CATSPERD: variants seen among roughly 807,000 people sequenced by gnomAD.
CATSPERD encodes cation channel sperm-associated auxiliary subunit delta.
CATSPERD carries 86 observed loss-of-function variants against 98.1 expected under a neutral mutation model. The ratio of observed to expected loss-of-function variants is 0.88; its 90% confidence interval spans 0.74 to 1.05. CATSPERD has a LOEUF of 1.05. CATSPERD is among the 50% of genes least tolerant of loss of function. CATSPERD has a pLI of 0.00. For missense variants in CATSPERD, 995 were observed against 1,005.7 expected (o/e 0.99, Z 0.14); for synonymous variants, 394 against 390.2 (o/e 1.01, Z -0.12).
intron 9 of CATSPERD, among the ~76,000 whole-genome samples, chr19:5,747,064 C>T (rs2056108337): frequency 6.6e-6 from 1 of 151,750 alleles, no homozygotes; most frequent in African/African-American, 2.4e-5. Flanking sequence ...AGGCTGGTCT[C>T]AAACTCCTGG....
rs749272464 is a variant in CATSPERD at position 5,739,339 on chromosome 19, T to C, written c.473T>C (p.Leu158Ser). 2 of 1,550,174 alleles carry C rather than the reference T, an allele frequency of 1.3e-6. No individual in the cohort carries two copies. The highest frequency in any genetic ancestry group is 8.8e-7 in the Non-Finnish European group (1 of 1,133,240). ...TTTTTTTTATAGCATGTCAGTAATTTGGTTTTTGCATATTTCCGTGGAGAT... is the reference window on the plus strand; with the variant it reads ...TTTTTTTTATAGCATGTCAGTAATTCGGTTTTTGCATATTTCCGTGGAGAT... ...GSLFCVHVSN[L>S]VFAYFRGDQI... Residue 158 changes from leucine to serine, a missense_variant, in exon 7 of 22, where the codon TTG becomes TCG. Physicochemically the swap from Leu to Ser is moderately radical, Grantham distance 145. Transcript: ENST00000381624.
In CATSPERD at chr19:5,724,835, G is replaced by C; in HGVS notation, c.99G>C (p.Val33=). ...CTCGCACAGTGAGGACAGGAAAAGT[G>C]TTTAATCTGATACAGGACGTTCAAG... The part of the protein sequence containing the change: ...CRSRTVRTGK[V]FNLIQDVQGD... The change falls in exon 2 of 22, where the codon GTG becomes GTC. Residue 33 remains valine (V), a synonymous_variant. Coordinates refer to ENST00000381624, the MANE Select transcript of CATSPERD (RefSeq NM_152784.4). 6.2e-7 allele frequency: 1 copy of C among 1,614,082 alleles called. No homozygotes were observed. The highest frequency in any genetic ancestry group is 1.7e-4 in the Middle Eastern group (1 of 6,060).
chr19:5,733,127 G>A (rs2055761372), intron 4 of CATSPERD, among the ~76,000 whole-genome samples: 2 of 150,892 alleles, frequency 1.3e-5, no homozygotes, highest in African/African-American at 4.9e-5. Flanking sequence ...CCGAGTAGCT[G>A]GGACTATAGG....
In CATSPERD at chr19:5,749,128, G is replaced by T. The variant is rs371150801; in HGVS notation, c.932G>T (p.Arg311Leu). 43 of 1,611,830 alleles carry T rather than the reference G, an allele frequency of 2.7e-5. No homozygotes were observed. The highest frequency in any genetic ancestry group is 3.6e-5 in the Non-Finnish European group (42 of 1,179,242). Residue 311 changes from arginine (R) to leucine (L), a missense_variant, in exon 11 of 22, where the codon CGG becomes CTG. By Grantham distance (102) the Arg-to-Leu change is moderately radical. This residue lies in a region of CATSPERD where 762 missense variants were observed against 773.7 expected (regional missense o/e 0.98). Coordinates refer to ENST00000381624, the MANE Select transcript of CATSPERD (RefSeq NM_152784.4). ...GAAAATGAACTGGCAGTTATAACTC[G>T]GGAGGATAATTTGTATTATGGCAAT... ...VTENELAVIT[R>L]EDNLYYGNLG... is the part of the protein sequence containing the mutation.
intron 21 of CATSPERD, 79 bp downstream of exon 21, chr19:5,776,394 A>G: frequency 6.6e-7 from 1 of 1,526,172 alleles, no homozygotes; most frequent in Non-Finnish European, 8.9e-7. Flanking sequence ...GGGGACATGC[A>G]GGTCCTGGCT....
intron 16 of CATSPERD, among the ~76,000 whole-genome samples, chr19:5,765,216 G>GT (rs1380949543): frequency 1.3e-5 from 2 of 152,152 alleles, no homozygotes; most frequent in African/African-American, 4.8e-5. Flanking sequence ...GCCCATGTTT[G>GT]TCTTAATACA....
chr19:5,778,196 G>A (rs2017303), intron 21 of CATSPERD, among the ~76,000 whole-genome samples, 180 bp from the exon 22 acceptor site: 8,040 of 146,698 alleles, frequency 0.055, 706 homozygotes, highest in African/African-American at 0.18. Flanking sequence ...GACAAGAGAG[G>A]GACTCCGACT....
At chr19:5,768,346 T>TTATC (rs10679277) in intron 18 of CATSPERD, 104 bp downstream of exon 18, 1 of 715,852 alleles carries the variant, frequency 1.4e-6, no homozygotes, top group Admixed American at 4.0e-5. Context: ...ATTTATTTAT[T>TTATC]ATTATTATTG....
At position 5,759,814 on chromosome 19, in the gene CATSPERD, A is replaced by G. The variant is rs553571243; in HGVS notation, c.1427+670A>G. Among the ~76,000 whole-genome samples, 90 of 151,434 alleles carry G rather than the reference A, an allele frequency of 5.9e-4. No homozygotes were observed. The South Asian group carries it at 0.019, about 31-fold the overall frequency. On this transcript the variant is annotated intron_variant, in intron 15 of 21. Transcript: ENST00000381624. The stretch of plus-strand genomic sequence containing the variant: ...TCCCGGGCCGGGCGCGGTGGCTCAC[A>G]CCTGTAATCCCAGCACTCTGGGAGG...
At chr19:5,753,990 C>G (rs540495522) in intron 12 of CATSPERD, 142 bp from the exon 13 acceptor site, 88 of 644,206 alleles carry the variant, frequency 1.4e-4, no homozygotes, top group Admixed American at 4.0e-4. Context: ...TCTGGAAATA[C>G]AGAGTCTAGT....
chr19:5,770,295 TG>T (rs1191294472), intron 18 of CATSPERD, among the ~76,000 whole-genome samples: 1 of 150,716 alleles, frequency 6.6e-6, no homozygotes, highest in African/African-American at 2.4e-5. Flanking sequence ...CCGGGCGTGG[TG>T]GTGGGCACTT....
intron 19 of CATSPERD, 62 bp downstream of exon 19, chr19:5,771,134 C>T: frequency 6.4e-7 from 1 of 1,556,720 alleles, no homozygotes; most frequent in Non-Finnish European, 8.7e-7. Context: ...CTCCCTGGCC[C>T]TGGGGTACCA....
chr19:5,754,017 C>G lies in CATSPERD; in HGVS notation c.1165-115C>G. ...GAGTCTAGTGGGGAAGACAGAGGCA[C>G]AAGTGGAGATTCAGGCTGCAGGACC... is the stretch of plus-strand genomic sequence containing the variant. On this transcript the variant is annotated intron_variant, in intron 12 of 21. Coordinates refer to ENST00000381624, the MANE Select transcript of CATSPERD (RefSeq NM_152784.4). 5 of 719,702 alleles carry G rather than the reference C, an allele frequency of 6.9e-6. No homozygotes were observed. The East Asian group carries it at 1.2e-4, about 18-fold the overall frequency. The allele number at this position is 719,702 out of a possible 1,614,324, so 44.6% of individuals were successfully genotyped here.
intron 1 of CATSPERD, among the ~76,000 whole-genome samples, chr19:5,721,465 T>C (rs566314395): frequency 6.6e-6 from 1 of 152,078 alleles, no homozygotes; most frequent in African/African-American, 2.4e-5. Context: ...CATTTTGAAA[T>C]TTCAGTAAAT....
At chr19:5,763,878 T>C (rs2056490435) in intron 16 of CATSPERD, among the ~76,000 whole-genome samples, 1 of 116,562 alleles carries the variant, frequency 8.6e-6, no homozygotes, top group Admixed American at 9.0e-5. Flanking sequence ...CATGGAGTCT[T>C]ACTCTGTCGC....
chr19:5,735,868 C>T (rs1169342346), intron 5 of CATSPERD, among the ~76,000 whole-genome samples: 2 of 151,086 alleles, frequency 1.3e-5, no homozygotes, highest in African/African-American at 4.9e-5. Flanking sequence ...GCAAGCTCCG[C>T]CTCCTGGGTT....
Position 5,727,258 on chromosome 19 carries a change from A to G in CATSPERD, c.127-10A>G, listed in dbSNP as rs1321410823. ...TTGATATTATTAAGATTTTGTGATT[A>G]TCTCTCTAGGACCGCCTGTATTTTC... On this transcript the variant is annotated splice_polypyrimidine_tract_variant and intron_variant, in intron 2 of 21. Coordinates refer to ENST00000381624, the MANE Select transcript of CATSPERD (RefSeq NM_152784.4). 2 of 1,603,642 alleles carry G rather than the reference A, an allele frequency of 1.2e-6. No homozygotes were observed. Among genetic ancestry groups the G allele is most frequent in the Non-Finnish European group, 1.7e-6 (2 of 1,172,344 alleles).
chr19:5,732,365 A>G (rs1363959386), intron 4 of CATSPERD, among the ~76,000 whole-genome samples: 1 of 152,120 alleles, frequency 6.6e-6, no homozygotes, highest in African/African-American at 2.4e-5. Flanking sequence ...AGCTGGCCCC[A>G]AGATACACAG....
chr19:5,727,719 G>A (rs1326346361), intron 3 of CATSPERD, among the ~76,000 whole-genome samples: 2 of 152,124 alleles, frequency 1.3e-5, no homozygotes, highest in Non-Finnish European at 2.9e-5. Flanking sequence ...TTAGAGCAGA[G>A]CATTCAAAGG....
Sources: gnomAD v4.1 joint callset for allele counts (sites outside exome capture counted in the v4.1 genomes callset) on GRCh38, gnomAD v4.1.1 for gene constraint, gnomAD v4.1.1 regional missense constraint, MANE v1.5 for transcripts, NCBI Gene and HGNC (gene_info 2026-07-23, HGNC 2026-07-21) for gene names.